The following CDKL5 variants were observed in gnomAD, a reference collection of about 807,000 sequenced individuals.
The protein encoded by CDKL5 is cyclin dependent kinase like 5.
In CDKL5, 8 loss-of-function variants were observed where a neutral mutation model predicts 61.7. The observed-to-expected ratio is 0.13, with a 90% CI of 0.08 to 0.23. The LOEUF (loss-of-function observed/expected upper bound fraction) is 0.23. Among genes scored for constraint, CDKL5 ranks in the 10% least tolerant of loss-of-function variants. The pLI is 1.00. For missense variants in CDKL5, 440 were observed against 734.5 expected, an observed-to-expected ratio of 0.60 and a Z score of 4.63; for synonymous variants, 275 against 272.3, an observed-to-expected ratio of 1.01 and a Z score of -0.10.
At chrX:18,644,967 C>T (rs1927720089), downstream of CDKL5, among the ~76,000 whole-genome samples, 1 of 112,187 alleles carries the variant, frequency 8.9e-6, no homozygotes. Context: ...TGTTAGACCA[C>T]CAGCCCCTGC....
At chrX:18,602,935 G>C (rs982969657) in intron 11 of CDKL5, among the ~76,000 whole-genome samples, 5 of 112,096 alleles carry the variant, frequency 4.5e-5, no homozygotes, top group African/African-American at 1.3e-4. Context: ...AAACATTCTA[G>C]TCTGTCCCAA....
intron 1 of CDKL5, among the ~76,000 whole-genome samples, chrX:18,469,852 A>AGGG (rs1921021866): frequency 8.9e-6 from 1 of 111,905 alleles, no homozygotes; most frequent in African/African-American, 3.2e-5. Context: ...TTTTTAGTCC[A>AGGG]TTTGTCTTTT....
chrX:18,615,027 C>T (rs1602292990), intron 15 of CDKL5, among the ~76,000 whole-genome samples: 1 of 112,000 alleles, frequency 8.9e-6, no homozygotes, highest in Non-Finnish European at 1.9e-5. Flanking sequence ...TTGTTTTACG[C>T]GTGGATATGT....
At chrX:18,541,112 T>C (rs1226168330) in intron 3 of CDKL5, among the ~76,000 whole-genome samples, 2 of 112,584 alleles carry the variant, frequency 1.8e-5, no homozygotes, top group Non-Finnish European at 1.9e-5. Context: ...TTTTTGTTTT[T>C]TAGTTTTCAA....
intron 1 of CDKL5, among the ~76,000 whole-genome samples, chrX:18,440,409 T>G (rs1931711294): frequency 8.9e-6 from 1 of 112,087 alleles, no homozygotes; most frequent in African/African-American, 3.2e-5. Context: ...CCTCTTGCCT[T>G]GGCCTCCCAA....
At chrX:18,426,737 G>A (rs1931375921) in intron 1 of CDKL5, 3 of 112,498 alleles carry the variant, frequency 2.7e-5, no homozygotes. Context: ...TGGTTATATA[G>A]TTAATGTAAA....
At chrX:18,585,835 A>G (rs1925625913) in intron 8 of CDKL5, among the ~76,000 whole-genome samples, 1 of 112,024 alleles carries the variant, frequency 8.9e-6, no homozygotes, top group African/African-American at 3.2e-5. Flanking sequence ...TCTTTAATTT[A>G]GCATGCCATA....
At chrX:18,503,410 G>A (rs1017618528) in intron 1 of CDKL5, among the ~76,000 whole-genome samples, 2 of 111,752 alleles carry the variant, frequency 1.8e-5, no homozygotes, top group South Asian at 3.7e-4. Flanking sequence ...TCTCGAACTC[G>A]TGAGCTCAAG....
chrX:18,602,332 CCA>C (rs1926204504), intron 11 of CDKL5, among the ~76,000 whole-genome samples: 1 of 112,165 alleles, frequency 8.9e-6, no homozygotes, highest in East Asian at 2.8e-4. Context: ...ATTTCAGTTA[CCA>C]AGATATAAGT....
chrX:18,644,604 G>T, downstream of CDKL5: 3 of 1,211,108 alleles, frequency 2.5e-6, no homozygotes, highest in Non-Finnish European at 3.4e-6. Flanking sequence ...TACTGTCCTG[G>T]AACTTGGAGA....
Position 18,605,229 on chromosome X carries a change from C to A in CDKL5, c.1944+361C>A, listed in dbSNP as rs146317351. Among the ~76,000 whole-genome samples the A allele has an allele frequency of 6.3e-5, 7 of 110,831 alleles. No homozygotes were observed. In the South Asian group the frequency reaches 1.1e-3, roughly 18 times the overall value. On this transcript the variant is annotated intron_variant, in intron 12 of 17. Transcript: ENST00000623535. ...TTTTTCTTAAAATACAGTGTGAATTCATGGGTATTTTCTCTGATCTCTCCA... is the reference window on the plus strand; with the variant it reads ...TTTTTCTTAAAATACAGTGTGAATTAATGGGTATTTTCTCTGATCTCTCCA...
intron 1 of CDKL5, among the ~76,000 whole-genome samples, chrX:18,476,720 C>G (rs1310061761): frequency 8.9e-6 from 1 of 112,535 alleles, no homozygotes; most frequent in Non-Finnish European, 1.9e-5. Context: ...TCAATTTCCA[C>G]TTATTTATAG....
At position 18,635,280 on chromosome X, in the gene CDKL5, C is replaced by A. The variant is rs1158493222; in HGVS notation, c.*6523C>A. 4.0e-6 allele frequency: 3 copies of A among 746,345 alleles called. No individual in the cohort carries two copies. In the African/African-American group the frequency reaches 7.0e-5, roughly 17 times the overall value. 61.5% of individuals were successfully genotyped at this position (746,345 alleles called of 1,213,427 possible). On this transcript the variant is annotated 3_prime_UTR_variant, in exon 18 of 18. Transcript: ENST00000623535. ...GTTGCTGTAAATATTACACAAATATCTATTCCGTGATAACCTTCATTATCA... is the reference window on the plus strand; with the variant it reads ...GTTGCTGTAAATATTACACAAATATATATTCCGTGATAACCTTCATTATCA...
intron 1 of CDKL5, among the ~76,000 whole-genome samples, chrX:18,432,578 A>C (rs766517922): frequency 2.7e-5 from 3 of 109,169 alleles, no homozygotes; most frequent in African/African-American, 1.0e-4. Context: ...CTGACAAATG[A>C]AATCATGTAG....
rs2052352160 is a variant in CDKL5, at chrX:18,632,761, T to C, written c.*4004T>C. 2.7e-6 allele frequency: 2 copies of C among 754,444 alleles called. No homozygotes were observed. Among genetic ancestry groups the C allele is most frequent in the Non-Finnish European group, 3.1e-6 (2 of 639,093 alleles). The allele number at this position is 754,444 out of a possible 1,213,427, so 62.2% of individuals were successfully genotyped here. On this transcript the variant is annotated 3_prime_UTR_variant, in exon 18 of 18. Transcript: ENST00000623535. ...AGAGTTAGCCAGTTTAGCATGTTCC[T>C]AATCTGAGAATTAGTGGACTATACT...
intron 1 of CDKL5, among the ~76,000 whole-genome samples, chrX:18,447,746 A>G (rs1174677194): frequency 8.9e-6 from 1 of 111,772 alleles, no homozygotes; most frequent in Non-Finnish European, 1.9e-5. Context: ...CTTCTTAGCC[A>G]AGAATTATCA....
Position 18,561,796 on chromosome X carries a change from A to G in CDKL5, c.100-2681A>G, listed in dbSNP as rs150524569. On this transcript the variant is annotated intron_variant, in intron 3 of 17. Coordinates refer to ENST00000623535, the MANE Select transcript of CDKL5 (RefSeq NM_001323289.2). Reference sequence around the variant, plus strand: ...TAAATCTGGATTCCCTCAACATGTCATATATTAAAATAAATTACAAGTGAA... The same window carrying G: ...TAAATCTGGATTCCCTCAACATGTCGTATATTAAAATAAATTACAAGTGAA... 6.5e-3 allele frequency among the ~76,000 whole-genome samples: 724 copies of G among 111,543 alleles called. 2 individuals are homozygous for G. Among genetic ancestry groups the G allele is most frequent in the Non-Finnish European group, 1.0e-2 (529 of 52,995 alleles).
At chrX:18,580,154 G>A (rs1279504513) in intron 6 of CDKL5, among the ~76,000 whole-genome samples, 186 bp downstream of exon 6, 1 of 112,131 alleles carries the variant, frequency 8.9e-6, no homozygotes, top group African/African-American at 3.2e-5. Flanking sequence ...TCACCAAAAG[G>A]ATGGATTACA....
In CDKL5 at chrX:18,633,682, C is replaced by T. The variant is rs1482711773; in HGVS notation, c.*4925C>T. The T allele has an allele frequency of 2.7e-6, 2 of 752,744 alleles. No individual in the cohort carries two copies. The highest frequency in any genetic ancestry group is 4.6e-5 in the African/African-American group (2 of 43,276). The allele number at this position is 752,744 out of a possible 1,213,427, so 62.0% of individuals were successfully genotyped here. On this transcript the variant is annotated 3_prime_UTR_variant, in exon 18 of 18. Coordinates refer to ENST00000623535, the MANE Select transcript of CDKL5 (RefSeq NM_001323289.2). ...GGGTGGCTAGGAAACTCTGGGCCTG[C>T]TGCCCCCTTCGATTCTTTTTTTTTT...
Sources: gnomAD v4.1 joint callset for allele counts (sites outside exome capture counted in the v4.1 genomes callset) on GRCh38, gnomAD v4.1.1 for gene constraint, MANE v1.5 for transcripts, NCBI Gene and HGNC (gene_info 2026-07-23, HGNC 2026-07-21) for gene names.